PAPPA: variants seen among roughly 807,000 people sequenced by gnomAD.
PAPPA encodes pappalysin 1.
Under a neutral mutation model 164.0 loss-of-function variants are expected in PAPPA, and 60 were observed. The ratio of observed to expected loss-of-function variants is 0.37; its 90% CI spans 0.30 to 0.45. The LOEUF is 0.45. Ranked by LOEUF, PAPPA falls within the 20% of genes least tolerant of loss-of-function variation. The pLI is 1.00. For missense variants in PAPPA, 1,782 were observed against 2,087.3 expected (o/e 0.85, Z 2.85); for synonymous variants, 875 against 814.1 (o/e 1.07, Z -1.27).
intron 17 of PAPPA, among the ~76,000 whole-genome samples, chr9:116,359,146 T>C (rs1846390591): frequency 6.6e-6 from 1 of 152,212 alleles, no homozygotes; most frequent in African/African-American, 2.4e-5. Context: ...CCCAGGCTCT[T>C]AACCATGACA....
Position 116,331,283 on chromosome 9 carries a change from T to A in PAPPA, c.3187T>A (p.Ser1063Thr). The A allele has an allele frequency of 6.2e-7, 1 of 1,613,782 alleles. No individual in the cohort carries two copies. ...TKVIDLSEGI[S>T]QHAWYPCTIS... is the part of the protein sequence containing the mutation. The stretch of plus-strand genomic sequence containing the variant: ...GGTGATAGATCTCAGTGAAGGCATT[T>A]CCCAGCATGCCTGGTACCCTTGCAC... Residue 1063 changes from serine (S) to threonine (T), a missense_variant, in exon 11 of 22, where the codon TCC becomes ACC. By Grantham distance (58) the Ser-to-Thr change is moderately conservative. This residue lies in a region of PAPPA where 1,324 missense variants were observed against 1,656.9 expected (regional missense o/e 0.80). Transcript: ENST00000328252.
chr9:116,284,846 C>G (rs1254515230), intron 9 of PAPPA, among the ~76,000 whole-genome samples: 4 of 152,138 alleles, frequency 2.6e-5, no homozygotes, highest in Non-Finnish European at 4.4e-5. Context: ...AAATCAGTCT[C>G]TCTCGCCCCA....
At chr9:116,384,936 T>C (rs1846786953) in intron 21 of PAPPA, among the ~76,000 whole-genome samples, 1 of 152,146 alleles carries the variant, frequency 6.6e-6, no homozygotes, top group Non-Finnish European at 1.5e-5. Flanking sequence ...GTAACTTAGG[T>C]ACTAAAATAT....
chr9:116,208,888 A>G (rs1844271460), intron 3 of PAPPA, among the ~76,000 whole-genome samples: 1 of 152,168 alleles, frequency 6.6e-6, no homozygotes, highest in African/African-American at 2.4e-5. Flanking sequence ...ATAGATACAA[A>G]GATAAATATC....
chr9:116,225,338 T>C (rs1451971586), intron 5 of PAPPA, among the ~76,000 whole-genome samples: 1 of 152,226 alleles, frequency 6.6e-6, no homozygotes, highest in Non-Finnish European at 1.5e-5. Context: ...TGTATAATTG[T>C]TATTATTGCT....
intron 5 of PAPPA, among the ~76,000 whole-genome samples, chr9:116,221,173 C>G (rs1159440972): frequency 1.3e-5 from 2 of 152,120 alleles, no homozygotes; most frequent in Non-Finnish European, 2.9e-5. Flanking sequence ...ATCAAGTGGT[C>G]TCTTGTGATC....
At chr9:116,332,587 T>A in intron 12 of PAPPA, 119 bp downstream of exon 12, 5 of 933,548 alleles carry the variant, frequency 5.4e-6, no homozygotes, top group Non-Finnish European at 8.0e-6. Context: ...CTTTCTTGCT[T>A]CTTTTCTATT....
intron 3 of PAPPA, among the ~76,000 whole-genome samples, chr9:116,210,203 C>T (rs1176952465): frequency 6.6e-6 from 1 of 152,172 alleles, no homozygotes; most frequent in Non-Finnish European, 1.5e-5. Context: ...CGCACACTCA[C>T]ATGCCCTCTC....
At chr9:116,377,108 A>C (rs945223331) in intron 19 of PAPPA, among the ~76,000 whole-genome samples, 1 of 152,114 alleles carries the variant, frequency 6.6e-6, no homozygotes, top group Non-Finnish European at 1.5e-5. Context: ...TCTTCAGCTC[A>C]TGCTTTGAGA....
At chr9:116,322,410 CAAAA>C (rs34749732) in intron 10 of PAPPA, among the ~76,000 whole-genome samples, 1 of 56,356 alleles carries the variant, frequency 1.8e-5, no homozygotes, top group Non-Finnish European at 3.4e-5. Context: ...GACTTAGTCT[CAAAA>C]AAAAAAAAAA....
chr9:116,253,530 A>G (rs1485214145), intron 7 of PAPPA, among the ~76,000 whole-genome samples: 2 of 152,166 alleles, frequency 1.3e-5, no homozygotes, highest in Non-Finnish European at 2.9e-5. Flanking sequence ...CCAAGGGCAT[A>G]CAATACTTTC....
chr9:116,188,018 A>T lies in PAPPA; in HGVS notation c.1280A>T (p.Glu427Val). The change falls in exon 2 of 22, where the codon GAG becomes GTG. Residue 427 changes from glutamate to valine, a missense_variant. Physicochemically the swap from Glu to Val is moderately radical, Grantham distance 121. Coordinates refer to ENST00000328252, the MANE Select transcript of PAPPA (RefSeq NM_002581.5). Reference sequence around the variant, plus strand: ...ATTGGGGATGAGAACTGTGACCCCGAGTGCAACCACACGCTGACGGGCCAC... The same window carrying T: ...ATTGGGGATGAGAACTGTGACCCCGTGTGCAACCACACGCTGACGGGCCAC... ...SKIGDENCDP[E>V]CNHTLTGHDG... 1 of 1,614,166 alleles carries T rather than the reference A, an allele frequency of 6.2e-7. No individual in the cohort carries two copies. The highest frequency in any genetic ancestry group is 8.5e-7 in the Non-Finnish European group (1 of 1,180,024).
chr9:116,313,209 G>A (rs577485610), intron 10 of PAPPA, among the ~76,000 whole-genome samples: 5 of 152,208 alleles, frequency 3.3e-5, no homozygotes, highest in Admixed American at 6.5e-5. Context: ...GGGAGAAATG[G>A]GCCCAGAGAG....
chr9:116,222,637 A>AG (rs2118711863), intron 5 of PAPPA, among the ~76,000 whole-genome samples: 1 of 150,972 alleles, frequency 6.6e-6, no homozygotes, highest in East Asian at 1.9e-4. Flanking sequence ...TGTGGAATCT[A>AG]AAAAAAATGA....
At chr9:116,219,145 A>C (rs186413875) in intron 4 of PAPPA, among the ~76,000 whole-genome samples, 13 of 152,180 alleles carry the variant, frequency 8.5e-5, no homozygotes, top group Admixed American at 8.5e-4. Context: ...GATCAGCCTC[A>C]ACTATCTCCT....
chr9:116,333,830 T>C (rs187588716), intron 12 of PAPPA, among the ~76,000 whole-genome samples: 2 of 152,260 alleles, frequency 1.3e-5, no homozygotes, highest in East Asian at 3.9e-4. Flanking sequence ...ATCCTGGTAC[T>C]GATGCCTGAG....
At chr9:116,351,008 G>A (rs910577491) in intron 15 of PAPPA, among the ~76,000 whole-genome samples, 4 of 152,104 alleles carry the variant, frequency 2.6e-5, no homozygotes, top group African/African-American at 9.7e-5. Context: ...AAATGAGAAG[G>A]AATAAGATAA....
chr9:116,235,742 G>A, intron 7 of PAPPA, 105 bp downstream of exon 7: 2 of 1,071,574 alleles, frequency 1.9e-6, no homozygotes, highest in Non-Finnish European at 2.8e-6. Flanking sequence ...TCACAGTCAA[G>A]ACTCACTCTA....
chr9:116,273,264 G>A (rs767469458), intron 9 of PAPPA, among the ~76,000 whole-genome samples: 9 of 152,190 alleles, frequency 5.9e-5, no homozygotes, highest in Admixed American at 3.9e-4. Flanking sequence ...ATCTCTAATA[G>A]GTAGAAGCTC....
Sources: allele counts gnomAD v4.1 joint callset (sites outside exome capture counted in the v4.1 genomes callset), GRCh38; gene constraint gnomAD v4.1.1; regional missense constraint gnomAD v4.1.1; transcripts MANE v1.5; gene names NCBI Gene and HGNC (gene_info 2026-07-23, HGNC 2026-07-21).